Variants in MLIP observed in about 807,000 individuals in gnomAD.
The protein encoded by MLIP is muscular LMNA-interacting protein.
In MLIP, 79 loss-of-function variants were observed where a neutral mutation model predicts 84.8. The ratio of observed to expected loss-of-function variants is 0.93; its 90% CI spans 0.78 to 1.12. MLIP has a LOEUF of 1.12. Among genes scored for constraint, MLIP ranks in the 50% most tolerant of loss-of-function variants. The pLI, the probability that MLIP is intolerant of heterozygous loss-of-function variation, is 0.00. For missense variants in MLIP, 1,257 were observed against 1,160.6 expected (o/e 1.08, Z -1.21); for synonymous variants, 504 against 463.0 (o/e 1.09, Z -1.14).
chr6:54,038,341 T>A lies in MLIP; in HGVS notation c.63+19250T>A, dbSNP rs558127662. 6.1e-4 allele frequency among the ~76,000 whole-genome samples: 93 copies of A among 152,022 alleles called. 1 individual carries two copies. The highest frequency in any genetic ancestry group is 5.9e-4 in the Non-Finnish European group (40 of 67,852). ...TCATTCCTGAGGTTCTCTAGGAGGCTGATGTCAAAAATGGTTTGGATTAGT... is the reference window on the plus strand; with the variant it reads ...TCATTCCTGAGGTTCTCTAGGAGGCAGATGTCAAAAATGGTTTGGATTAGT... On this transcript the variant is annotated intron_variant, in intron 1 of 12. Transcript: ENST00000274897.
chr6:54,162,972 A>G (rs542078460), intron 8 of MLIP, among the ~76,000 whole-genome samples: 3 of 151,982 alleles, frequency 2.0e-5, no homozygotes, highest in African/African-American at 7.2e-5. Flanking sequence ...GGAAGCTATA[A>G]GAAGAGAGTG....
chr6:54,244,438 C>T (rs553148831), intron 12 of MLIP, among the ~76,000 whole-genome samples: 4 of 152,150 alleles, frequency 2.6e-5, no homozygotes, highest in East Asian at 1.9e-4. Flanking sequence ...GTTTTCAAAA[C>T]GAATGAATGT....
rs1164949971 is a variant in MLIP at position 54,183,752 on chromosome 6, T to TTG, written c.2545-6117_2545-6116insGT. 2.0e-5 allele frequency among the ~76,000 whole-genome samples: 3 copies of TTG among 148,514 alleles called. 1 individual carries two copies. Among genetic ancestry groups the TTG allele is most frequent in the African/African-American group, 7.4e-5 (3 of 40,458 alleles). ...TATTTAGACAGGGTAAGTTTTTTTT[T>TTG]TTTTTTTTTTTGAGACAGAGTCTCT... On this transcript the variant is annotated intron_variant, in intron 9 of 13. Transcript: ENST00000502396.
intron 5 of MLIP, among the ~76,000 whole-genome samples, chr6:54,152,209 G>C (rs1429732958): frequency 6.6e-6 from 1 of 152,104 alleles, no homozygotes; most frequent in African/African-American, 2.4e-5. Flanking sequence ...ATGACATGAG[G>C]ATGAAATGCA....
intron 11 of MLIP, among the ~76,000 whole-genome samples, chr6:54,220,064 C>T (rs566515560): frequency 4.6e-5 from 7 of 152,260 alleles, no homozygotes; most frequent in Admixed American, 1.3e-4. Context: ...ATATCTATGT[C>T]TAACATAAGC....
intron 5 of MLIP, among the ~76,000 whole-genome samples, chr6:54,155,001 T>A (rs1369786511): frequency 6.6e-6 from 1 of 152,140 alleles, no homozygotes; most frequent in Non-Finnish European, 1.5e-5. Context: ...CTGGTTGGAA[T>A]GGTTTGCAAA....
At chr6:54,021,043 A>T (rs1056010957) in intron 1 of MLIP, among the ~76,000 whole-genome samples, 32 of 152,320 alleles carry the variant, frequency 2.1e-4, no homozygotes, top group Admixed American at 1.2e-3. Flanking sequence ...GAGTTGGAAA[A>T]TCTATATCTT....
intron 1 of MLIP, among the ~76,000 whole-genome samples, chr6:54,101,254 G>A (rs1227332041): frequency 6.6e-6 from 1 of 151,974 alleles, no homozygotes; most frequent in Non-Finnish European, 1.5e-5. Flanking sequence ...GGAAAAAGGA[G>A]GAAATAGTGT....
In MLIP at chr6:54,051,133, C is replaced by A. The variant is rs181927964; in HGVS notation, c.63+32042C>A. 2.4e-3 allele frequency among the ~76,000 whole-genome samples: 360 copies of A among 151,992 alleles called. 1 individual carries two copies. The highest frequency in any genetic ancestry group is 7.1e-3 in the African/African-American group (293 of 41,510). ...CACTTTCCCTTCTCCCCACTCTCAA[C>A]CTCCTTGTTGGACCTCGAGCAGTCT... On this transcript the variant is annotated intron_variant, in intron 1 of 12. Transcript: ENST00000274897.
At chr6:54,188,930 CAG>C (rs1385211425) in intron 9 of MLIP, among the ~76,000 whole-genome samples, 1 of 152,078 alleles carries the variant, frequency 6.6e-6, no homozygotes, top group Admixed American at 6.6e-5. Flanking sequence ...CAACAAAAGC[CAG>C]AGTCTGTGGG....
chr6:54,083,791 T>C (rs1767315827), intron 1 of MLIP, among the ~76,000 whole-genome samples: 1 of 152,204 alleles, frequency 6.6e-6, no homozygotes, highest in South Asian at 2.1e-4. Context: ...AAATTAGCTG[T>C]GGACTAATTA....
At chr6:54,164,470 A>T (rs1350480403) in intron 8 of MLIP, among the ~76,000 whole-genome samples, 1 of 151,894 alleles carries the variant, frequency 6.6e-6, no homozygotes, top group Non-Finnish European at 1.5e-5. Flanking sequence ...AATCAGATTT[A>T]TTGAGGTAAT....
At chr6:54,044,253 T>G (rs73744123) in intron 1 of MLIP, among the ~76,000 whole-genome samples, 8,344 of 152,226 alleles carry the variant, frequency 0.055, 719 homozygotes, top group African/African-American at 0.19. Flanking sequence ...CATAATCAAT[T>G]TTAAAAGCTG....
At chr6:54,166,069 C>G (rs1775149956) in intron 8 of MLIP, among the ~76,000 whole-genome samples, 1 of 151,884 alleles carries the variant, frequency 6.6e-6, no homozygotes, top group Non-Finnish European at 1.5e-5. Flanking sequence ...TTATAAGCCA[C>G]CCAGTCAATA....
chr6:54,045,296 C>T (rs890239468), intron 1 of MLIP: 4 of 151,096 alleles, frequency 2.6e-5, no homozygotes, highest in Admixed American at 2.6e-4. Context: ...TGCAGTGAGC[C>T]GAAATCCGCC....
chr6:54,211,486 C>A (rs951408498), intron 11 of MLIP, among the ~76,000 whole-genome samples: 3 of 152,172 alleles, frequency 2.0e-5, no homozygotes, highest in African/African-American at 7.2e-5. Context: ...TGACTTGATT[C>A]ATTTTTATGT....
chr6:54,235,494 G>A (rs1043225390), intron 12 of MLIP, among the ~76,000 whole-genome samples: 2 of 151,966 alleles, frequency 1.3e-5, no homozygotes, highest in Admixed American at 1.3e-4. Context: ...GCATATTATA[G>A]GTCATCTTGT....
At position 54,056,678 on chromosome 6, in the gene MLIP, AAG is replaced by A. The variant is rs559533869; in HGVS notation, c.63+37589_63+37590del. ...AACCCATCTCTAGAAGCTTGCCAGC[AAG>A]AATGCCTTTATTTCCACAGCTATTA... On this transcript the variant is annotated intron_variant, in intron 1 of 12. Coordinates refer to the MLIP transcript ENST00000274897. Among the ~76,000 whole-genome samples the A allele has an allele frequency of 1.9e-4, 29 of 152,346 alleles. No individual in the cohort carries two copies. The South Asian group carries it at 5.8e-3, about 30-fold the overall frequency.
intron 3 of MLIP, among the ~76,000 whole-genome samples, chr6:54,136,298 G>T: frequency 6.6e-6 from 1 of 152,032 alleles, no homozygotes; most frequent in East Asian, 1.9e-4. Context: ...ACTTGTAGTC[G>T]TTATTATAAT....
Sources: allele counts gnomAD v4.1 joint callset (sites outside exome capture counted in the v4.1 genomes callset), GRCh38; gene constraint gnomAD v4.1.1; transcripts MANE v1.5; gene names NCBI Gene and HGNC (gene_info 2026-07-23, HGNC 2026-07-21).